Variants in TRRAP observed in about 807,000 individuals in gnomAD.
TRRAP encodes the protein transformation/transcription domain-associated protein.
A neutral mutation model predicts 438.8 loss-of-function variants in TRRAP; 41 were observed. The observed-to-expected ratio is 0.09, with a 90% CI of 0.07 to 0.12. The LOEUF (loss-of-function observed/expected upper bound fraction) is 0.12, where lower values mean the gene tolerates loss of function less well. TRRAP is among the 10% of genes least tolerant of loss of function. TRRAP has a pLI of 1.00. For missense variants in TRRAP, 3,122 were observed against 5,055.1 expected, an observed-to-expected ratio of 0.62 and a Z score of 11.60; for synonymous variants, 1,994 against 1,962.9, an observed-to-expected ratio of 1.02 and a Z score of -0.42.
At chr7:98,912,288 G>T in intron 18 of TRRAP, 75 bp downstream of exon 18, 1 of 1,510,658 alleles carries the variant, frequency 6.6e-7, no homozygotes, top group Non-Finnish European at 9.0e-7. Context: ...CCTCACGGTG[G>T]TGTCCAGGCT....
At chr7:98,988,119 G>C (rs567198092) in intron 62 of TRRAP, among the ~76,000 whole-genome samples, 1 of 152,140 alleles carries the variant, frequency 6.6e-6, no homozygotes, top group Non-Finnish European at 1.5e-5. Flanking sequence ...GGATGTTTGC[G>C]TCTGTATCAT....
Position 98,972,067 on chromosome 7 carries a change from G to T in TRRAP, c.7839+122G>T, listed in dbSNP as rs900861776. ...TTCTTTTCTTTTTCTTTTTGAGATG[G>T]GATGTTGCTTTGTCACCCAGCCTGC... On this transcript the variant is annotated intron_variant, in intron 53 of 72. Transcript: ENST00000456197. 8.7e-5 allele frequency: 117 copies of T among 1,348,364 alleles called. No homozygotes were observed. The Middle Eastern group carries it at 1.1e-3, about 12-fold the overall frequency. The allele number at this position is 1,348,364 out of a possible 1,614,324, so 83.5% of individuals were successfully genotyped here. A position where few individuals can be genotyped will look rare whatever the true frequency, so the allele number is the denominator to read the frequency against.
intron 62 of TRRAP, among the ~76,000 whole-genome samples, chr7:98,986,708 G>A (rs2116776058): frequency 6.6e-6 from 1 of 152,188 alleles, no homozygotes; most frequent in East Asian, 1.9e-4. Flanking sequence ...TTTTGATGAA[G>A]TCCAATTCAT....
At chr7:98,927,784 C>G (rs550130205) in intron 23 of TRRAP, among the ~76,000 whole-genome samples, 6 of 152,236 alleles carry the variant, frequency 3.9e-5, no homozygotes, top group African/African-American at 1.4e-4. Context: ...GTCTCCCCTG[C>G]GATGCCCGTT....
At chr7:99,010,195 T>A (rs1318079491) in intron 70 of TRRAP, among the ~76,000 whole-genome samples, 1 of 152,218 alleles carries the variant, frequency 6.6e-6, no homozygotes, top group Non-Finnish European at 1.5e-5. Context: ...CCAGGCTTTT[T>A]TGTTTTGTTT....
chr7:98,937,005 ATCCC>A (rs1790586191), intron 28 of TRRAP, 147 bp from the exon 29 acceptor site: 1 of 986,938 alleles, frequency 1.0e-6, no homozygotes, highest in Non-Finnish European at 1.3e-6. Context: ...GGGCAGGAGA[ATCCC>A]TTGAGGCCAG....
At chr7:98,983,504 G>C (rs2116762483) in intron 60 of TRRAP, 45 bp downstream of exon 60, 1 of 1,607,280 alleles carries the variant, frequency 6.2e-7, no homozygotes, top group Non-Finnish European at 8.5e-7. Context: ...TAATTTTCCA[G>C]ACGCCCCACG....
intron 28 of TRRAP, among the ~76,000 whole-genome samples, chr7:98,936,805 T>C (rs1352608987): frequency 6.6e-6 from 1 of 152,228 alleles, no homozygotes; most frequent in Admixed American, 6.5e-5. Context: ...TCTGGCAGGC[T>C]GGACTTCACT....
At chr7:98,914,614 C>T (rs1353781321) in intron 18 of TRRAP, among the ~76,000 whole-genome samples, 1 of 143,222 alleles carries the variant, frequency 7.0e-6, no homozygotes, top group South Asian at 2.3e-4. Flanking sequence ...ACTCAGGAGG[C>T]TGAGACAGGA....
chr7:98,966,866 C>T (rs1223948025), intron 49 of TRRAP, among the ~76,000 whole-genome samples, 175 bp from the exon 50 acceptor site: 3 of 152,086 alleles, frequency 2.0e-5, no homozygotes, highest in Non-Finnish European at 2.9e-5. Flanking sequence ...GTAGCCCCTA[C>T]GAAAATTACA....
chr7:98,897,785 G>A lies in TRRAP; in HGVS notation c.552G>A (p.Val184=). Reference sequence around the variant, plus strand: ...CTCAAGTGATCCCCGAGAACACAGTGCCTCCCCCAGAAATGGTTGGTATGA... The same window carrying A: ...CTCAAGTGATCCCCGAGAACACAGTACCTCCCCCAGAAATGGTTGGTATGA... The part of the protein sequence containing the change: ...ENPQVIPENT[V]PPPEMVGMIT... The change falls in exon 8 of 73, where the codon GTG becomes GTA. Residue 184 remains valine (V), a synonymous_variant. Coordinates refer to ENST00000456197, the MANE Select transcript of TRRAP (RefSeq NM_001375524.1). 1 of 1,613,784 alleles carries A rather than the reference G, an allele frequency of 6.2e-7. No homozygotes were observed. The highest frequency in any genetic ancestry group is 8.5e-7 in the Non-Finnish European group (1 of 1,179,948).
chr7:98,978,622 A>G, intron 57 of TRRAP, 147 bp from the exon 58 acceptor site: 1 of 1,179,330 alleles, frequency 8.5e-7, no homozygotes, highest in Non-Finnish European at 1.2e-6. Context: ...ACAATGGAGC[A>G]CACCTCCATG....
At position 98,948,571 on chromosome 7, in the gene TRRAP, G is replaced by A; in HGVS notation, c.4674G>A (p.Gly1558=). The part of the protein sequence containing the change: ...KTERAMLIEA[G]SPFREPLIKF... ...CATTCCCACATGTTTTGCAGGCGGG[G>A]AGTCCATTCCGAGAGCCCCTGATCA... Residue 1558 remains glycine (G), a synonymous_variant, in exon 35 of 73, where the codon GGG becomes GGA. Coordinates refer to ENST00000456197, the MANE Select transcript of TRRAP (RefSeq NM_001375524.1). This position sits in a 1 kb window ranked among gnomAD's most constrained non-coding sequence, Gnocchi z 4.9. 4 of 1,614,176 alleles carry A rather than the reference G, an allele frequency of 2.5e-6. No homozygotes were observed. The highest frequency in any genetic ancestry group is 3.4e-6 in the Non-Finnish European group (4 of 1,180,038).
At chr7:98,893,761 T>G (rs376009961) in intron 5 of TRRAP, 37 bp from the exon 6 acceptor site, 24 of 1,588,082 alleles carry the variant, frequency 1.5e-5, no homozygotes, top group Non-Finnish European at 1.9e-5. Context: ...AAAGTGAGTC[T>G]TCAGAAGTAT....
intron 39 of TRRAP, 120 bp from the exon 40 acceptor site, chr7:98,953,047 G>T (rs1554418534): frequency 4.9e-5 from 2 of 40,446 alleles, no homozygotes; most frequent in Non-Finnish European, 1.1e-4. Flanking sequence ...GTGTGTGTGT[G>T]TGTGTGTGTG....
At chr7:98,879,275 G>A (rs1554402664) in intron 1 of TRRAP, among the ~76,000 whole-genome samples, 1 of 152,240 alleles carries the variant, frequency 6.6e-6, no homozygotes, top group African/African-American at 2.4e-5. Flanking sequence ...TTTCCCCCCG[G>A]CCAGGGCCCC....
At chr7:98,967,287 C>G in intron 50 of TRRAP, 125 bp downstream of exon 50, 6 of 1,390,132 alleles carry the variant, frequency 4.3e-6, no homozygotes, top group Non-Finnish European at 4.9e-6. Context: ...CATTTAAATG[C>G]TAAATTGTGT....
chr7:98,967,765 G>C, intron 51 of TRRAP, 67 bp downstream of exon 51: 1 of 1,425,008 alleles, frequency 7.0e-7, no homozygotes, highest in Non-Finnish European at 9.7e-7. Context: ...GGGCTCCAAA[G>C]CCAGGAGGTG....
chr7:98,891,645 C>T (rs1554404914), intron 4 of TRRAP, among the ~76,000 whole-genome samples: 3 of 151,280 alleles, frequency 2.0e-5, no homozygotes, highest in Non-Finnish European at 2.9e-5. Flanking sequence ...ACACCATTCT[C>T]CTGCCTCAGC....
Sources: gnomAD v4.1 joint callset for allele counts (sites outside exome capture counted in the v4.1 genomes callset) on GRCh38, gnomAD v4.1.1 for gene constraint, Gnocchi (gnomAD v3.1) non-coding constraint, MANE v1.5 for transcripts, NCBI Gene and HGNC (gene_info 2026-07-23, HGNC 2026-07-21) for gene names.